The following RABGAP1L variants were observed in gnomAD, a reference collection of about 807,000 sequenced individuals.
RABGAP1L encodes RAB GTPase activating protein 1 like.
A neutral mutation model predicts 137.7 loss-of-function variants in RABGAP1L; 63 were observed. The ratio of observed to expected loss-of-function variants is 0.46; its 90% CI spans 0.37 to 0.56. The LOEUF is 0.56. RABGAP1L is among the 20% of genes least tolerant of loss of function. RABGAP1L has a pLI of 0.00. For missense variants in RABGAP1L, 1,095 were observed against 1,244.0 expected (o/e 0.88, Z 1.80); for synonymous variants, 431 against 433.7 (o/e 0.99, Z 0.08).
chr1:174,811,686 G>A, intron 18 of RABGAP1L, 146 bp from the exon 19 acceptor site: 1 of 762,868 alleles, frequency 1.3e-6, no homozygotes, highest in Non-Finnish European at 1.8e-6. Context: ...ATATTGAAAT[G>A]TTAGAAATAT....
At chr1:174,679,379 A>G (rs751081099) in intron 14 of RABGAP1L, among the ~76,000 whole-genome samples, 27 of 152,228 alleles carry the variant, frequency 1.8e-4, no homozygotes, top group Non-Finnish European at 2.9e-4. Flanking sequence ...TTCAGTACCC[A>G]TAGAAGATAA....
At chr1:174,317,585 G>A (rs1188659739) in intron 11 of RABGAP1L, among the ~76,000 whole-genome samples, 1 of 152,152 alleles carries the variant, frequency 6.6e-6, no homozygotes, top group Non-Finnish European at 1.5e-5. Flanking sequence ...TTTTGGAGCT[G>A]TGAGCTATGC....
intron 1 of RABGAP1L, among the ~76,000 whole-genome samples, chr1:174,209,300 C>G (rs916881904): frequency 6.6e-6 from 1 of 152,118 alleles, no homozygotes; most frequent in Non-Finnish European, 1.5e-5. Context: ...TCTTTGGGTC[C>G]CCTTTTCCAG....
intron 14 of RABGAP1L, among the ~76,000 whole-genome samples, chr1:174,641,821 A>G (rs367910666): frequency 6.6e-6 from 1 of 152,220 alleles, no homozygotes; most frequent in Admixed American, 6.5e-5. Context: ...GTGTTGTTCA[A>G]ATTTTTTTTC....
At chr1:174,384,770 G>T (rs1686600897) in intron 12 of RABGAP1L, among the ~76,000 whole-genome samples, 1 of 152,184 alleles carries the variant, frequency 6.6e-6, no homozygotes, top group African/African-American at 2.4e-5. Context: ...GCAGTTTCTA[G>T]AGTATAGTAG....
At chr1:174,161,627 C>T (rs935625881) in intron 1 of RABGAP1L, among the ~76,000 whole-genome samples, 17 of 152,196 alleles carry the variant, frequency 1.1e-4, no homozygotes, top group African/African-American at 3.9e-4. Context: ...CCTACATTGT[C>T]CTCTAGAAAG....
intron 18 of RABGAP1L, among the ~76,000 whole-genome samples, chr1:174,805,858 A>T (rs1282512786): frequency 6.6e-6 from 1 of 152,212 alleles, no homozygotes; most frequent in South Asian, 2.1e-4. Flanking sequence ...CAAGGGAAGG[A>T]AACATGCCTC....
chr1:174,681,291 G>A (rs1282880210), intron 14 of RABGAP1L, among the ~76,000 whole-genome samples: 1 of 152,194 alleles, frequency 6.6e-6, no homozygotes, highest in African/African-American at 2.4e-5. Flanking sequence ...CATACTAGCT[G>A]AAAGCTGGAA....
chr1:174,426,892 A>G (rs12065326), intron 13 of RABGAP1L, among the ~76,000 whole-genome samples: 50,417 of 151,840 alleles, frequency 0.33, 10,294 homozygotes, highest in African/African-American at 0.57. Context: ...TCAGCATCTG[A>G]AAGTAGAGAT....
intron 19 of RABGAP1L, among the ~76,000 whole-genome samples, chr1:174,841,321 G>A (rs1430407466): frequency 1.3e-5 from 2 of 152,016 alleles, no homozygotes; most frequent in Admixed American, 6.6e-5. Context: ...TTAGGAAAAA[G>A]AATATCATCA....
chr1:174,255,446 A>G (rs1558074942), intron 7 of RABGAP1L, among the ~76,000 whole-genome samples: 1 of 152,258 alleles, frequency 6.6e-6, no homozygotes, highest in Non-Finnish European at 1.5e-5. Flanking sequence ...ACTCTTTACC[A>G]AGATTGTTAC....
At chr1:174,244,147 T>C (rs1331051805) in intron 5 of RABGAP1L, among the ~76,000 whole-genome samples, 1 of 152,260 alleles carries the variant, frequency 6.6e-6, no homozygotes, top group Non-Finnish European at 1.5e-5. Context: ...TGTTCTTTGA[T>C]AAACACCTTT....
intron 13 of RABGAP1L, among the ~76,000 whole-genome samples, chr1:174,550,999 C>CATATATATATATATATATACATAT (rs1666478583): frequency 1.2e-5 from 1 of 86,372 alleles, no homozygotes; most frequent in Non-Finnish European, 2.0e-5. Flanking sequence ...TATATATACA[C>CATATATATATATATATATACATAT]ATATATATAT....
intron 11 of RABGAP1L, among the ~76,000 whole-genome samples, chr1:174,320,713 C>T (rs1176256421): frequency 6.6e-6 from 1 of 152,194 alleles, no homozygotes; most frequent in Admixed American, 6.5e-5. Flanking sequence ...CTTCCCCAGT[C>T]AATACTCTTG....
chr1:174,610,851 T>C (rs1418022486), intron 13 of RABGAP1L, among the ~76,000 whole-genome samples: 2 of 152,238 alleles, frequency 1.3e-5, no homozygotes, highest in African/African-American at 4.8e-5. Context: ...CATAAATGTC[T>C]TCTTTTGAGA....
chr1:174,300,987 C>G (rs1350461467), intron 10 of RABGAP1L, among the ~76,000 whole-genome samples: 1 of 152,130 alleles, frequency 6.6e-6, no homozygotes, highest in African/African-American at 2.4e-5. Context: ...TTGGTAACAC[C>G]CCTGTCCGGG....
Position 174,502,625 on chromosome 1 carries a change from C to CATATATGTGTGT in RABGAP1L, c.1710+108486_1710+108487insGTGTGTATATAT, listed in dbSNP as rs1558288809. On this transcript the variant is annotated intron_variant, in intron 13 of 25. Transcript: ENST00000681986. ...ACATATATGTGTGTATATATATGTACATATATATGTGTGTATATATATGTA... is the reference window on the plus strand; with the variant it reads ...ACATATATGTGTGTATATATATGTACATATATGTGTGTATATATATGTGTGTATATATATGTA... Among the ~76,000 whole-genome samples, 61 of 117,170 alleles carry CATATATGTGTGT rather than the reference C, an allele frequency of 5.2e-4. 1 individual carries two copies. The highest frequency in any genetic ancestry group is 2.1e-3 in the African/African-American group (59 of 27,882). The allele number at this position is 117,170 out of a possible 152,430, so 76.9% of individuals were successfully genotyped here.
intron 19 of RABGAP1L, among the ~76,000 whole-genome samples, chr1:174,949,787 A>G (rs1048833150): frequency 6.6e-6 from 1 of 152,224 alleles, no homozygotes; most frequent in African/African-American, 2.4e-5. Flanking sequence ...CCACAAAAAT[A>G]TTATACAAGA....
At chr1:174,621,004 T>C (rs1430488514) in intron 13 of RABGAP1L, among the ~76,000 whole-genome samples, 1 of 151,914 alleles carries the variant, frequency 6.6e-6, no homozygotes, top group Non-Finnish European at 1.5e-5. Context: ...ATACTACAAA[T>C]ACCTCTACAC....
Sources: gnomAD v4.1 joint callset for allele counts (sites outside exome capture counted in the v4.1 genomes callset) on GRCh38, gnomAD v4.1.1 for gene constraint, MANE v1.5 for transcripts, NCBI Gene and HGNC (gene_info 2026-07-23, HGNC 2026-07-21) for gene names.